DNAH17: variants seen among roughly 807,000 people sequenced by gnomAD.
DNAH17 encodes dynein axonemal heavy chain 17, also known as axonemal beta dynein heavy chain 17.
In DNAH17, 376 loss-of-function variants were observed where a neutral mutation model predicts 485.6. The ratio of observed to expected loss-of-function variants is 0.77; its 90% CI spans 0.71 to 0.84. DNAH17 has a LOEUF of 0.84. Among genes scored for constraint, DNAH17 ranks in the 40% least tolerant of loss-of-function variants. DNAH17 has a pLI of 0.00. For synonymous variants in DNAH17, 3,031 were observed against 2,405.9 expected (o/e 1.26, Z -7.60); for missense variants, 6,370 against 5,839.3 (o/e 1.09, Z -2.96).
At chr17:78,569,683 C>T (rs907906484) in intron 7 of DNAH17, among the ~76,000 whole-genome samples, 156 bp from the exon 8 acceptor site, 12 of 152,234 alleles carry the variant, frequency 7.9e-5, no homozygotes, top group African/African-American at 2.7e-4. Context: ...TTTAGGGGAC[C>T]GAGCTGCTTC....
chr17:78,472,637 G>T (rs1199661798), intron 54 of DNAH17: 2 of 437,696 alleles, frequency 4.6e-6, no homozygotes, highest in South Asian at 3.2e-5. Context: ...TGTGTGGGGT[G>T]TGGGGAGGGG....
chr17:78,533,195 A>C, intron 19 of DNAH17: 1 of 186,782 alleles, frequency 5.4e-6, no homozygotes, highest in Non-Finnish European at 1.1e-5. Flanking sequence ...GCTCGCTCTC[A>C]CTGCGTACCA....
Position 78,514,196 on chromosome 17 carries a change from G to C in DNAH17, c.4113+578C>G, listed in dbSNP as rs76127069. Among the ~76,000 whole-genome samples, 1,417 of 152,184 alleles carry C rather than the reference G, an allele frequency of 9.3e-3. 6 individuals carry two copies. The highest frequency in any genetic ancestry group is 0.015 in the Non-Finnish European group (990 of 68,010). ...GAGCCCAGTGCAAAATGGAAATGCG[G>C]GAACTCCTGTTCAAAAATTACTAAG... is the stretch of plus-strand genomic sequence containing the variant. On this transcript the variant is annotated intron_variant, in intron 26 of 80. Coordinates refer to ENST00000389840, the MANE Select transcript of DNAH17 (RefSeq NM_173628.4).
chr17:78,553,283 G>GGTTTTTTTTTTTTTTTTTT (rs2091944708), intron 14 of DNAH17, among the ~76,000 whole-genome samples: 2 of 51,032 alleles, frequency 3.9e-5, no homozygotes, highest in African/African-American at 1.8e-4. Context: ...AGGTTTTTGT[G>GGTTTTTTTTTTTTTTTTTT]TTTTTTTTTT....
At chr17:78,572,367 C>G (rs1303514789) in intron 3 of DNAH17, among the ~76,000 whole-genome samples, 1 of 152,156 alleles carries the variant, frequency 6.6e-6, no homozygotes, top group Non-Finnish European at 1.5e-5. Context: ...GCTGTGCCTC[C>G]TGTTTCCTGG....
intron 67 of DNAH17, 97 bp from the exon 68 acceptor site, chr17:78,450,491 G>A (rs1311482618): frequency 1.3e-6 from 2 of 1,514,456 alleles, no homozygotes; most frequent in Non-Finnish European, 8.9e-7. Context: ...TCCCTGGGAA[G>A]CCACCCAAGG....
chr17:78,503,829 G>A (rs924343531), intron 31 of DNAH17, among the ~76,000 whole-genome samples: 7 of 151,968 alleles, frequency 4.6e-5, no homozygotes, highest in African/African-American at 9.7e-5. Context: ...AGCCGGGCAC[G>A]GTGGCAGGCA....
Position 78,560,749 on chromosome 17 carries a change from G to C in DNAH17, c.2022C>G (p.Phe674Leu). 10 of 1,550,336 alleles carry C rather than the reference G, an allele frequency of 6.5e-6. No homozygotes were observed. The highest frequency in any genetic ancestry group is 1.4e-5 in the African/African-American group (1 of 73,168). Residue 674 changes from phenylalanine (F) to leucine (L), a missense_variant, in exon 13 of 81, where the codon TTC (phenylalanine) becomes TTG (leucine). Coordinates refer to ENST00000389840, the MANE Select transcript of DNAH17 (RefSeq NM_173628.4). Reference protein sequence around the residue: ...DAASNLIHVNFSKALVAVLRE... With the variant: ...DAASNLIHVNLSKALVAVLRE... ...CACTCCTGGCACCCACCGCTTTGCT[G>C]AAGTTGACGTGGATGAGGTTGCTAG...
intron 54 of DNAH17, among the ~76,000 whole-genome samples, chr17:78,471,172 C>G (rs2088732269): frequency 6.6e-6 from 1 of 152,218 alleles, no homozygotes; most frequent in East Asian, 1.9e-4. Flanking sequence ...CTGCTCCATC[C>G]TTCGGAAGCA....
At chr17:78,540,071 C>G (rs986944077) in intron 17 of DNAH17, among the ~76,000 whole-genome samples, 191 bp from the exon 18 acceptor site, 2 of 152,284 alleles carry the variant, frequency 1.3e-5, no homozygotes, top group Admixed American at 1.3e-4. Flanking sequence ...CACTTTCTTG[C>G]TGGGTCTGGC....
At chr17:78,451,118 A>G (rs921164755) in intron 66 of DNAH17, among the ~76,000 whole-genome samples, 3 of 152,254 alleles carry the variant, frequency 2.0e-5, no homozygotes, top group Admixed American at 1.3e-4. Context: ...GCAAGTGGCT[A>G]TAACAGCCAG....
chr17:78,440,375 G>A (rs963032049), intron 72 of DNAH17, among the ~76,000 whole-genome samples: 2 of 141,644 alleles, frequency 1.4e-5, no homozygotes, highest in African/African-American at 5.2e-5. Flanking sequence ...TCCCACCTCA[G>A]CCTCACAGGT....
intron 19 of DNAH17, chr17:78,533,164 C>CATTG (rs1491011813): frequency 5.3e-5 from 10 of 188,394 alleles, no homozygotes; most frequent in Non-Finnish European, 9.8e-5. Context: ...ATGACTCACA[C>CATTG]ATTGATTCAT....
At chr17:78,504,146 A>C (rs1357236297) in intron 31 of DNAH17, among the ~76,000 whole-genome samples, 1 of 150,320 alleles carries the variant, frequency 6.7e-6, no homozygotes, top group African/African-American at 2.4e-5. Context: ...GCTCACTGCA[A>C]CCTCTGTCTC....
At chr17:78,501,917 A>G (rs2090308686) in intron 33 of DNAH17, 44 bp from the exon 34 acceptor site, 1 of 1,610,746 alleles carries the variant, frequency 6.2e-7, no homozygotes, top group Non-Finnish European at 8.5e-7. Context: ...GGGTGCCCAC[A>G]TGCACTGGGG....
intron 62 of DNAH17, 28 bp from the exon 63 acceptor site, chr17:78,455,864 A>G: frequency 6.5e-7 from 1 of 1,544,782 alleles, no homozygotes; most frequent in Non-Finnish European, 8.7e-7. Flanking sequence ...AGAATAAAAC[A>G]TATTTGCACA....
chr17:78,526,182 C>CAGTGGGAACAGAGTGGGAACAG, intron 24 of DNAH17, among the ~76,000 whole-genome samples: 1 of 152,356 alleles, frequency 6.6e-6, no homozygotes, highest in East Asian at 1.9e-4. Flanking sequence ...TGAACTTGGA[C>CAGTGGGAACAGAGTGGGAACAG]AGTGGGAACA....
chr17:78,543,739 T>C, intron 17 of DNAH17, 118 bp downstream of exon 17: 3 of 1,491,766 alleles, frequency 2.0e-6, no homozygotes, highest in Non-Finnish European at 9.3e-7. Flanking sequence ...CACAGACTTC[T>C]ATGACTACAA....
Position 78,425,506 on chromosome 17 carries a change from G to T in DNAH17, c.12981C>A (p.Asn4327Lys), listed in dbSNP as rs767023097. 1.9e-6 allele frequency: 3 copies of T among 1,613,772 alleles called. No individual in the cohort carries two copies. Among genetic ancestry groups the T allele is most frequent in the Non-Finnish European group, 2.5e-6 (3 of 1,179,918 alleles). The part of the protein sequence containing the change: ...PTTVWLAGFF[N>K]PQSFLTAIMQ... ...TGATGGCCGTGAGGAACGACTGGGG[G>T]TTGAAGAAGCCGGCCAGCCACACGG... The change falls in exon 80 of 81, where the codon AAC becomes AAA. Residue 4327 changes from asparagine to lysine, a missense_variant. By Grantham distance (94) the Asn-to-Lys change is moderately conservative. Transcript: ENST00000389840.
Sources: gnomAD v4.1 joint callset for allele counts (sites outside exome capture counted in the v4.1 genomes callset) on GRCh38, gnomAD v4.1.1 for gene constraint, MANE v1.5 for transcripts, NCBI Gene and HGNC (gene_info 2026-07-23, HGNC 2026-07-21) for gene names.